The following SPIN1 variants were observed in gnomAD, a reference collection of about 807,000 sequenced individuals.
SPIN1 encodes the protein spindlin-1.
Under a neutral mutation model 26.0 loss-of-function variants are expected in SPIN1, and 3 were observed. That is an observed-to-expected ratio of 0.12 (90% CI 0.05 to 0.30). The LOEUF is 0.30. SPIN1 is among the 10% of genes least tolerant of loss of function. The pLI is 1.00. For missense variants in SPIN1, 126 were observed against 333.4 expected, an observed-to-expected ratio of 0.38 and a Z score of 4.84; for synonymous variants, 101 against 116.5, an observed-to-expected ratio of 0.87 and a Z score of 0.86.
chr9:88,465,746 GTAAC>G (rs1828655287), intron 4 of SPIN1, among the ~76,000 whole-genome samples: 1 of 152,156 alleles, frequency 6.6e-6, no homozygotes, highest in Non-Finnish European at 1.5e-5. Context: ...ATTCTGCATT[GTAAC>G]TAACCTTTAA....
rs183339138 is a variant in SPIN1, at chr9:88,402,019, C to T, written c.-159+13481C>T. Among the ~76,000 whole-genome samples the T allele has an allele frequency of 2.1e-3, 327 of 152,242 alleles. 1 individual carries two copies. Among genetic ancestry groups the T allele is most frequent in the African/African-American group, 7.7e-3 (320 of 41,560 alleles). On this transcript the variant is annotated intron_variant, in intron 1 of 5. Coordinates refer to ENST00000375859, the MANE Select transcript of SPIN1 (RefSeq NM_006717.3). ...TATCTTTTTGTTTTTGAGATGGAGT[C>T]TCGCTCTGTTGCTCAGGCTGGAGTG...
At chr9:88,474,253 A>G (rs960900627) in intron 5 of SPIN1, among the ~76,000 whole-genome samples, 2 of 152,208 alleles carry the variant, frequency 1.3e-5, no homozygotes, top group Non-Finnish European at 1.5e-5. Context: ...AGTTTCTTAA[A>G]ATAGAATTAT....
intron 1 of SPIN1, among the ~76,000 whole-genome samples, chr9:88,394,957 C>T (rs1241142932): frequency 1.3e-5 from 2 of 150,464 alleles, no homozygotes; most frequent in African/African-American, 2.4e-5. Flanking sequence ...CTACAGGTGC[C>T]CGCCACCACG....
At position 88,440,073 on chromosome 9, in the gene SPIN1, C is replaced by T. The variant is rs372734678; in HGVS notation, c.53-8868C>T. Among the ~76,000 whole-genome samples the T allele has an allele frequency of 3.3e-5, 5 of 152,148 alleles. No individual in the cohort carries two copies. The South Asian group carries it at 6.2e-4, about 19-fold the overall frequency. On this transcript the variant is annotated intron_variant, in intron 2 of 5. Transcript: ENST00000375859. The stretch of plus-strand genomic sequence containing the variant: ...AGTTTTTGCTTTCCACTCTTTTCTG[C>T]CTTCTCTGGTTTTAATTGAGCATTT...
intron 1 of SPIN1, among the ~76,000 whole-genome samples, chr9:88,424,223 A>G (rs1013535459): frequency 3.3e-5 from 5 of 152,164 alleles, no homozygotes; most frequent in African/African-American, 9.7e-5. Flanking sequence ...CAGTTAGTCA[A>G]TTTGGTGGTA....
chr9:88,430,692 A>G (rs1288854001), intron 2 of SPIN1, among the ~76,000 whole-genome samples: 1 of 152,164 alleles, frequency 6.6e-6, no homozygotes, highest in Non-Finnish European at 1.5e-5. Context: ...TTTGAAAATA[A>G]CTTACGTTTA....
intron 2 of SPIN1, among the ~76,000 whole-genome samples, chr9:88,441,423 G>C (rs931720151): frequency 6.7e-6 from 1 of 149,180 alleles, no homozygotes; most frequent in East Asian, 2.0e-4. Context: ...GTGCGCGCGC[G>C]CGCGCCCATG....
At chr9:88,402,254 A>G (rs1400692851) in intron 1 of SPIN1, among the ~76,000 whole-genome samples, 4 of 152,052 alleles carry the variant, frequency 2.6e-5, no homozygotes, top group Admixed American at 2.6e-4. Context: ...CAGCCTCCCA[A>G]AGTGCTGGGA....
intron 2 of SPIN1, among the ~76,000 whole-genome samples, chr9:88,448,264 G>A (rs992392457): frequency 2.0e-5 from 3 of 152,104 alleles, no homozygotes; most frequent in African/African-American, 7.2e-5. Flanking sequence ...GGCTGGTCTC[G>A]AACTCCTGAC....
intron 1 of SPIN1, among the ~76,000 whole-genome samples, chr9:88,402,519 T>A (rs919920605): frequency 6.6e-6 from 1 of 152,012 alleles, no homozygotes; most frequent in African/African-American, 2.4e-5. Flanking sequence ...ACTTTTTTTT[T>A]TTTTTTTTAT....
chr9:88,451,742 G>A (rs1828357304), intron 3 of SPIN1, among the ~76,000 whole-genome samples: 1 of 152,122 alleles, frequency 6.6e-6, no homozygotes, highest in Admixed American at 6.5e-5. Context: ...TGTATTTTTA[G>A]TATAGACAGG....
At chr9:88,461,576 C>T (rs923252676) in intron 3 of SPIN1, among the ~76,000 whole-genome samples, 18 of 152,118 alleles carry the variant, frequency 1.2e-4, no homozygotes, top group African/African-American at 4.3e-4. Context: ...TGTTATATGT[C>T]AGATATTAAT....
At chr9:88,422,247 A>G (rs1351924619) in intron 1 of SPIN1, among the ~76,000 whole-genome samples, 1 of 152,192 alleles carries the variant, frequency 6.6e-6, no homozygotes. Context: ...CCATTTGACA[A>G]TATTTTCCGT....
intron 4 of SPIN1, among the ~76,000 whole-genome samples, chr9:88,463,515 G>A (rs1031542498): frequency 6.6e-6 from 1 of 152,148 alleles, no homozygotes; most frequent in Non-Finnish European, 1.5e-5. Flanking sequence ...ATCTAGACTT[G>A]GGAGGTAGGA....
chr9:88,429,999 G>A (rs139789762), intron 2 of SPIN1, among the ~76,000 whole-genome samples: 3 of 152,176 alleles, frequency 2.0e-5, no homozygotes, highest in African/African-American at 7.2e-5. Context: ...AAAGATTGCT[G>A]ACCCCAGGAT....
intron 2 of SPIN1, 108 bp downstream of exon 2, chr9:88,426,699 C>T: frequency 1.1e-6 from 1 of 933,222 alleles, no homozygotes. Context: ...AAAACTTTGT[C>T]ATTTCTAGTA....
At chr9:88,453,817 C>T (rs962032960) in intron 3 of SPIN1, among the ~76,000 whole-genome samples, 11 of 152,286 alleles carry the variant, frequency 7.2e-5, no homozygotes, top group Admixed American at 2.6e-4. Context: ...GGAGCCACCG[C>T]GCCCGCGGTA....
At chr9:88,400,738 G>A (rs12339785) in intron 1 of SPIN1, among the ~76,000 whole-genome samples, 28,067 of 152,020 alleles carry the variant, frequency 0.18, 3,362 homozygotes, top group African/African-American at 0.34. Flanking sequence ...CCAGCTACTC[G>A]GCAGGCTGAG....
chr9:88,459,386 T>C (rs1828532691), intron 3 of SPIN1, among the ~76,000 whole-genome samples: 1 of 152,206 alleles, frequency 6.6e-6, no homozygotes, highest in Admixed American at 6.5e-5. Context: ...TATGCAGATG[T>C]CTAGAAGTCA....
Sources: allele counts gnomAD v4.1 joint callset (sites outside exome capture counted in the v4.1 genomes callset), GRCh38; gene constraint gnomAD v4.1.1; transcripts MANE v1.5; gene names NCBI Gene and HGNC (gene_info 2026-07-23, HGNC 2026-07-21).